Variants in CATSPERE observed in about 807,000 individuals in gnomAD.
The protein encoded by CATSPERE is cation channel sperm-associated auxiliary subunit epsilon.
CATSPERE carries 93 observed loss-of-function variants against 114.1 expected under a neutral mutation model. The ratio of observed to expected loss-of-function variants is 0.81; its 90% CI spans 0.69 to 0.97. CATSPERE has a LOEUF of 0.97. CATSPERE is among the 50% of genes least tolerant of loss of function. The probability of loss-of-function intolerance (pLI) is 0.00; values close to 1 mark genes in which losing one functional copy is unlikely to be tolerated. For synonymous variants in CATSPERE, 341 were observed against 384.1 expected (o/e 0.89, Z 1.31); for missense variants, 1,058 against 1,131.6 (o/e 0.93, Z 0.93).
rs1318057371 is a variant in CATSPERE, at chr1:244,616,947, C to A, written c.2491-582C>A. Among the ~76,000 whole-genome samples, 4 of 152,078 alleles carry A rather than the reference C, an allele frequency of 2.6e-5. No homozygotes were observed. The East Asian group carries it at 7.7e-4, about 29-fold the overall frequency. ...GAAAACATACAGGATCTAAGAGGACCCAGAACCAGTGCCATGTAATAGTAG... is the reference window on the plus strand; with the variant it reads ...GAAAACATACAGGATCTAAGAGGACACAGAACCAGTGCCATGTAATAGTAG... On this transcript the variant is annotated intron_variant, in intron 19 of 21. Transcript: ENST00000366534.
chr1:244,544,939 G>A (rs1447933759), intron 8 of CATSPERE, among the ~76,000 whole-genome samples: 5 of 152,186 alleles, frequency 3.3e-5, no homozygotes, highest in Admixed American at 2.6e-4. Context: ...CATGGGCAAG[G>A]CCAGCAATAC....
chr1:244,527,107 A>G (rs1005102715), intron 8 of CATSPERE, among the ~76,000 whole-genome samples: 6 of 152,184 alleles, frequency 3.9e-5, no homozygotes, highest in African/African-American at 1.4e-4. Flanking sequence ...CTGGGCACGC[A>G]TTGTCATTGA....
chr1:244,617,523 G>C lies in CATSPERE; in HGVS notation c.2491-6G>C. Reference sequence around the variant, plus strand: ...CTTAAAATTTTTGTCTTTGTTTCTTGTTCAGAACTATAAACACTGTTTTTC... The same window carrying C: ...CTTAAAATTTTTGTCTTTGTTTCTTCTTCAGAACTATAAACACTGTTTTTC... On this transcript the variant is annotated splice_region_variant and splice_polypyrimidine_tract_variant and intron_variant, in intron 19 of 21. Coordinates refer to ENST00000366534, the MANE Select transcript of CATSPERE (RefSeq NM_001130957.2). 1 of 1,484,306 alleles carries C rather than the reference G, an allele frequency of 6.7e-7. No individual in the cohort carries two copies. The highest frequency in any genetic ancestry group is 8.9e-7 in the Non-Finnish European group (1 of 1,123,090). The allele number at this position is 1,484,306 out of a possible 1,614,324, so 91.9% of individuals were successfully genotyped here. A position where few individuals can be genotyped will look rare whatever the true frequency, so the allele number is the denominator to read the frequency against.
rs373061134 is a variant in CATSPERE, at chr1:244,560,661, G to A, written c.1030-7G>A. The stretch of plus-strand genomic sequence containing the variant: ...GATCTTTCTCATCATTTTTCATTTT[G>A]TCACAGGCTAAAGGAAGAAGAAGCA... On this transcript the variant is annotated splice_region_variant and splice_polypyrimidine_tract_variant and intron_variant, in intron 9 of 21. Transcript: ENST00000366534. The A allele has an allele frequency of 3.3e-5, 48 of 1,453,408 alleles. No homozygotes were observed. The African/African-American group carries it at 6.8e-4, about 21-fold the overall frequency. 90.0% of individuals were successfully genotyped at this position (1,453,408 alleles called of 1,614,324 possible).
rs531415589 is a variant in CATSPERE, at chr1:244,626,690, T to C, written c.2649-8799T>C. Among the ~76,000 whole-genome samples, 34 of 152,240 alleles carry C rather than the reference T, an allele frequency of 2.2e-4. 1 individual carries two copies. In the South Asian group the frequency reaches 7.1e-3, roughly 32 times the overall value. ...ATGTTATGCAGATGGCTTCTTTCCT[T>C]AAACCTCATAAACCAACCTCTCCTA... On this transcript the variant is annotated intron_variant, in intron 20 of 21. Coordinates refer to ENST00000366534, the MANE Select transcript of CATSPERE (RefSeq NM_001130957.2).
intron 20 of CATSPERE, among the ~76,000 whole-genome samples, chr1:244,626,581 C>A (rs1486469946): frequency 6.6e-6 from 1 of 152,010 alleles, no homozygotes; most frequent in African/African-American, 2.4e-5. Flanking sequence ...AGTGTAGCCA[C>A]CTTCATCAAT....
At chr1:244,630,076 T>A (rs529167731) in intron 20 of CATSPERE, among the ~76,000 whole-genome samples, 10 of 152,296 alleles carry the variant, frequency 6.6e-5, no homozygotes, top group African/African-American at 2.4e-4. Flanking sequence ...AGCAGGATCA[T>A]AGAGTGGATG....
intron 9 of CATSPERE, among the ~76,000 whole-genome samples, chr1:244,556,088 C>CT (rs1246216589): frequency 6.6e-6 from 1 of 152,130 alleles, no homozygotes; most frequent in Non-Finnish European, 1.5e-5. Context: ...GTCCCAGCTA[C>CT]TTGGAATGCT....
At position 244,508,284 on chromosome 1, in the gene CATSPERE, C is replaced by CCAATA. The variant is rs1364522797; in HGVS notation, c.429+9205_429+9206insCAATA. 3.3e-5 allele frequency among the ~76,000 whole-genome samples: 5 copies of CCAATA among 150,618 alleles called. No homozygotes were observed. In the East Asian group the frequency reaches 9.8e-4, roughly 29 times the overall value. On this transcript the variant is annotated intron_variant, in intron 7 of 21. Coordinates refer to ENST00000366534, the MANE Select transcript of CATSPERE (RefSeq NM_001130957.2). Reference sequence around the variant, plus strand: ...GCTAGTTTGTTATTGGTGTAAGAAACACTACTGTTTTTTCTTTTCTTTTTT... The same window carrying CCAATA: ...GCTAGTTTGTTATTGGTGTAAGAAACCAATAACTACTGTTTTTTCTTTTCTTTTTT...
intron 8 of CATSPERE, among the ~76,000 whole-genome samples, chr1:244,525,454 C>T (rs938995988): frequency 8.6e-5 from 13 of 151,652 alleles, no homozygotes; most frequent in Non-Finnish European, 1.8e-4. Context: ...CTAACCTGCA[C>T]ATTGTGCACA....
intron 7 of CATSPERE, among the ~76,000 whole-genome samples, chr1:244,508,475 T>G (rs1297009110): frequency 1.3e-5 from 2 of 151,648 alleles, no homozygotes; most frequent in Admixed American, 6.6e-5. Context: ...TAATTTTTTT[T>G]TATTTTTAGT....
chr1:244,553,318 T>C (rs1660947078), intron 9 of CATSPERE, among the ~76,000 whole-genome samples: 2 of 151,796 alleles, frequency 1.3e-5, no homozygotes, highest in Admixed American at 6.6e-5. Flanking sequence ...TCACAGCACT[T>C]TGGGAGGCCG....
intron 19 of CATSPERE, 78 bp from the exon 20 acceptor site, chr1:244,617,451 C>A: frequency 1.7e-6 from 2 of 1,144,936 alleles, no homozygotes; most frequent in African/African-American, 1.6e-5. Flanking sequence ...AATAATTTTC[C>A]AAGATAAATG....
At chr1:244,500,997 G>A (rs1461010020) in intron 7 of CATSPERE, among the ~76,000 whole-genome samples, 1 of 152,092 alleles carries the variant, frequency 6.6e-6, no homozygotes, top group African/African-American at 2.4e-5. Context: ...TTTTCCATTT[G>A]TTTGTGTCCT....
intron 9 of CATSPERE, among the ~76,000 whole-genome samples, chr1:244,555,916 G>A (rs911304377): frequency 3.3e-5 from 5 of 152,218 alleles, no homozygotes; most frequent in African/African-American, 1.2e-4. Flanking sequence ...ATAAGGCTGA[G>A]TAGAATAGTT....
intron 19 of CATSPERE, among the ~76,000 whole-genome samples, chr1:244,613,871 GC>G (rs1671035836): frequency 6.6e-6 from 1 of 152,212 alleles, no homozygotes; most frequent in Non-Finnish European, 1.5e-5. Flanking sequence ...TGAAGGCAGA[GC>G]CCCCATACAT....
At chr1:244,539,099 T>G (rs962726403) in intron 8 of CATSPERE, among the ~76,000 whole-genome samples, 3 of 152,218 alleles carry the variant, frequency 2.0e-5, no homozygotes, top group Admixed American at 1.3e-4. Context: ...AGGGAGCATC[T>G]GGCCCTACTC....
chr1:244,484,351 G>T (rs188058777), intron 5 of CATSPERE, among the ~76,000 whole-genome samples: 3 of 152,116 alleles, frequency 2.0e-5, no homozygotes, highest in African/African-American at 4.8e-5. Flanking sequence ...ATATGGAGAA[G>T]CAAAAGACTC....
At chr1:244,609,423 G>C (rs1051796955) in intron 18 of CATSPERE, among the ~76,000 whole-genome samples, 1 of 150,648 alleles carries the variant, frequency 6.6e-6, no homozygotes, top group East Asian at 2.0e-4. Context: ...TGATCTTGGC[G>C]CACTGCAACC....
Sources: allele counts gnomAD v4.1 joint callset (sites outside exome capture counted in the v4.1 genomes callset), GRCh38; gene constraint gnomAD v4.1.1; transcripts MANE v1.5; gene names NCBI Gene and HGNC (gene_info 2026-07-23, HGNC 2026-07-21).